The following CACUL1 variants were observed in gnomAD, a reference collection of about 807,000 sequenced individuals.
CACUL1 encodes CDK2-associated and cullin domain-containing protein 1.
In CACUL1, 13 loss-of-function variants were observed where a neutral mutation model predicts 45.2. The ratio of observed to expected loss-of-function variants is 0.29; its 90% CI spans 0.19 to 0.46. The LOEUF (loss-of-function observed/expected upper bound fraction) is 0.46, where lower values mean the gene tolerates loss of function less well. Among genes scored for constraint, CACUL1 ranks in the 20% least tolerant of loss-of-function variants. The probability of loss-of-function intolerance (pLI) is 1.00; values close to 1 mark genes in which losing one functional copy is unlikely to be tolerated. For missense variants in CACUL1, 421 were observed against 471.4 expected (o/e 0.89, Z 0.99); for synonymous variants, 197 against 174.2 (o/e 1.13, Z -1.03).
chr10:118,691,607 C>T (rs1257104241), intron 6 of CACUL1: 7 of 456,390 alleles, frequency 1.5e-5, no homozygotes, highest in Admixed American at 1.1e-4. Context: ...GCGGCTCACA[C>T]CTGTAATCCT....
chr10:118,743,758 G>C (rs1032150241), intron 1 of CACUL1, among the ~76,000 whole-genome samples: 1 of 151,492 alleles, frequency 6.6e-6, no homozygotes, highest in Non-Finnish European at 1.5e-5. Context: ...AACAATGCAG[G>C]TCAGAAGACA....
intron 3 of CACUL1, among the ~76,000 whole-genome samples, chr10:118,721,033 A>C (rs1845594918): frequency 6.6e-6 from 1 of 152,238 alleles, no homozygotes; most frequent in Non-Finnish European, 1.5e-5. Flanking sequence ...GATATCAAGC[A>C]ATTTTCTTAT....
chr10:118,684,640 A>C lies in CACUL1; in HGVS notation c.*1488T>G, dbSNP rs1845186892. The C allele has an allele frequency of 6.6e-6, 1 of 152,208 alleles. No individual in the cohort carries two copies. The highest frequency in any genetic ancestry group is 6.5e-5 in the Admixed American group (1 of 15,276). 9.4% of individuals were successfully genotyped at this position (152,208 alleles called of 1,614,324 possible). ...AATCAAGGACTTCAATTATTGGGTGACTTACTTGCTCCCAATATCCCACTT... is the reference window on the plus strand; with the variant it reads ...AATCAAGGACTTCAATTATTGGGTGCCTTACTTGCTCCCAATATCCCACTT... On this transcript the variant is annotated 3_prime_UTR_variant, in exon 9 of 9. Coordinates refer to ENST00000369151, the MANE Select transcript of CACUL1 (RefSeq NM_153810.5).
intron 3 of CACUL1, among the ~76,000 whole-genome samples, chr10:118,726,930 G>A (rs1204464399): frequency 6.6e-6 from 1 of 152,022 alleles, no homozygotes; most frequent in Admixed American, 6.6e-5. Flanking sequence ...ACCACTCCCC[G>A]CTGCTATTTA....
chr10:118,751,425 T>A (rs758335752), intron 1 of CACUL1, among the ~76,000 whole-genome samples: 4 of 152,186 alleles, frequency 2.6e-5, no homozygotes, highest in Non-Finnish European at 5.9e-5. Flanking sequence ...TAAATTTATT[T>A]TTTCTCTATA....
chr10:118,712,162 C>G (rs1845491910), intron 3 of CACUL1, among the ~76,000 whole-genome samples: 1 of 152,176 alleles, frequency 6.6e-6, no homozygotes, highest in African/African-American at 2.4e-5. Flanking sequence ...GGCCAGAAAC[C>G]CCTCTGGCAG....
At chr10:118,687,123 C>A (rs943497698) in intron 7 of CACUL1, among the ~76,000 whole-genome samples, 4 of 152,142 alleles carry the variant, frequency 2.6e-5, no homozygotes, top group Non-Finnish European at 5.9e-5. Flanking sequence ...CTTACCTCAC[C>A]CTGTCTGCCA....
chr10:118,728,291 T>C (rs182882391), intron 3 of CACUL1, among the ~76,000 whole-genome samples: 70 of 151,380 alleles, frequency 4.6e-4, no homozygotes, highest in African/African-American at 1.7e-3. Flanking sequence ...GTATAGACCC[T>C]GGTAATCTAT....
chr10:118,733,085 C>G (rs1192429443), intron 1 of CACUL1, among the ~76,000 whole-genome samples: 1 of 152,184 alleles, frequency 6.6e-6, no homozygotes, highest in Non-Finnish European at 1.5e-5. Flanking sequence ...TGCTATGGCT[C>G]CAGCTGGGAG....
chr10:118,689,503 AAAT>A (rs1382786935), intron 7 of CACUL1, among the ~76,000 whole-genome samples: 24 of 152,366 alleles, frequency 1.6e-4, no homozygotes, highest in Middle Eastern at 3.4e-3. Flanking sequence ...AAGTTTTATA[AAAT>A]AATTCCACTT....
intron 1 of CACUL1, among the ~76,000 whole-genome samples, chr10:118,744,495 G>GAA (rs1845823343): frequency 6.6e-6 from 1 of 152,200 alleles, no homozygotes; most frequent in Non-Finnish European, 1.5e-5. Flanking sequence ...TGAGGAAACG[G>GAA]AACTAATTGC....
At chr10:118,734,219 A>C (rs866883292) in intron 1 of CACUL1, among the ~76,000 whole-genome samples, 1 of 152,234 alleles carries the variant, frequency 6.6e-6, no homozygotes, top group Non-Finnish European at 1.5e-5. Flanking sequence ...ATTAGAAAAT[A>C]CATAAGCAAA....
At chr10:118,721,832 C>T (rs1482594361) in intron 3 of CACUL1, among the ~76,000 whole-genome samples, 3 of 152,150 alleles carry the variant, frequency 2.0e-5, no homozygotes, top group African/African-American at 7.2e-5. Context: ...TTTTAGATAA[C>T]ACATTAGCAT....
At chr10:118,754,297 C>T (rs758610777) in intron 1 of CACUL1, 99 bp downstream of exon 1, 2 of 1,422,986 alleles carry the variant, frequency 1.4e-6, no homozygotes, top group Non-Finnish European at 9.2e-7. Flanking sequence ...AAGACCGAGG[C>T]CTGAAACAAA....
intron 1 of CACUL1, among the ~76,000 whole-genome samples, chr10:118,740,483 G>A (rs1370972440): frequency 6.6e-6 from 1 of 151,994 alleles, no homozygotes. Flanking sequence ...GGTGGCACAT[G>A]ACTGTAATCC....
chr10:118,748,933 G>C (rs1845870323), intron 1 of CACUL1, among the ~76,000 whole-genome samples: 1 of 152,134 alleles, frequency 6.6e-6, no homozygotes, highest in Non-Finnish European at 1.5e-5. Context: ...ACAGGAAAAA[G>C]AGGAAAGGAA....
rs185980856 is a variant in CACUL1 at position 118,726,570 on chromosome 10, G to A, written c.597+2725C>T. On this transcript the variant is annotated intron_variant, in intron 3 of 8. Coordinates refer to ENST00000369151, the MANE Select transcript of CACUL1 (RefSeq NM_153810.5). Reference sequence around the variant, plus strand: ...AGAAGAAATGCCAATAGTCTGTTCGGTTTTGAGAGGAGTGCAGGAGTTCCA... The same window carrying A: ...AGAAGAAATGCCAATAGTCTGTTCGATTTTGAGAGGAGTGCAGGAGTTCCA... Among the ~76,000 whole-genome samples, 18 of 152,284 alleles carry A rather than the reference G, an allele frequency of 1.2e-4. No homozygotes were observed. In the East Asian group the frequency reaches 2.7e-3, roughly 23 times the overall value.
intron 3 of CACUL1, among the ~76,000 whole-genome samples, chr10:118,722,021 T>C (rs1746937080): frequency 6.6e-6 from 1 of 152,144 alleles, no homozygotes; most frequent in South Asian, 2.1e-4. Flanking sequence ...CCAGTTTCCC[T>C]TTCTGAGATT....
intron 3 of CACUL1, among the ~76,000 whole-genome samples, chr10:118,718,335 C>A (rs1262254453): frequency 6.6e-6 from 1 of 152,062 alleles, no homozygotes; most frequent in East Asian, 1.9e-4. Context: ...GGGGGCAGGA[C>A]AGGGAAGGGG....
Sources: allele counts gnomAD v4.1 joint callset (sites outside exome capture counted in the v4.1 genomes callset), GRCh38; gene constraint gnomAD v4.1.1; transcripts MANE v1.5; gene names NCBI Gene and HGNC (gene_info 2026-07-23, HGNC 2026-07-21).